PCCA: variants seen among roughly 807,000 people sequenced by gnomAD.
PCCA encodes propionyl-CoA carboxylase subunit alpha.
A neutral mutation model predicts 101.3 loss-of-function variants in PCCA; 74 were observed. The ratio of observed to expected loss-of-function variants is 0.73; its 90% CI spans 0.61 to 0.89. The LOEUF (loss-of-function observed/expected upper bound fraction) is 0.89. Among genes scored for constraint, PCCA ranks in the 40% least tolerant of loss-of-function variants. PCCA has a pLI of 0.00. For missense variants in PCCA, 891 were observed against 907.0 expected, an observed-to-expected ratio of 0.98 and a Z score of 0.23; for synonymous variants, 294 against 313.6, an observed-to-expected ratio of 0.94 and a Z score of 0.66.
At position 100,458,449 on chromosome 13, in the gene PCCA, A is replaced by G. The variant is rs1362325152; in HGVS notation, c.1899+9144A>G. Among the ~76,000 whole-genome samples, 5 of 38,430 alleles carry G rather than the reference A, an allele frequency of 1.3e-4. No homozygotes were observed. The South Asian group carries it at 2.9e-3, about 22-fold the overall frequency. The allele number at this position is 38,430 out of a possible 152,430, so 25.2% of individuals were successfully genotyped here. On this transcript the variant is annotated intron_variant, in intron 21 of 23. Transcript: ENST00000376285. The stretch of plus-strand genomic sequence containing the variant: ...CACACACACACACACATACACACAC[A>G]CACACACACACACACACACACACAC...
intron 12 of PCCA, among the ~76,000 whole-genome samples, chr13:100,285,184 C>T (rs555782768): frequency 3.5e-4 from 53 of 152,214 alleles, no homozygotes; most frequent in African/African-American, 8.7e-4. Context: ...TGGCTTTGGC[C>T]GACTATGGAT....
chr13:100,216,677 A>G (rs142964560), intron 7 of PCCA, among the ~76,000 whole-genome samples: 43 of 152,374 alleles, frequency 2.8e-4, no homozygotes, highest in African/African-American at 1.0e-3. Context: ...GCACCAAAAG[A>G]AACCAAAAAC....
At chr13:100,365,481 C>T (rs1028171354) in intron 18 of PCCA, among the ~76,000 whole-genome samples, 1 of 152,100 alleles carries the variant, frequency 6.6e-6, no homozygotes, top group Admixed American at 6.5e-5. Context: ...AGACTTGTTA[C>T]GTGATAGAAG....
chr13:100,184,228 C>G (rs1017552938), intron 6 of PCCA, among the ~76,000 whole-genome samples: 1 of 152,126 alleles, frequency 6.6e-6, no homozygotes, highest in African/African-American at 2.4e-5. Context: ...TTGTTTGTTT[C>G]TCTTTCTCCT....
intron 20 of PCCA, among the ~76,000 whole-genome samples, chr13:100,432,782 G>A (rs2079646913): frequency 6.6e-6 from 1 of 152,166 alleles, no homozygotes; most frequent in South Asian, 2.1e-4. Context: ...AGAGAAAAAG[G>A]GGGTTGAGTT....
At chr13:100,117,928 A>T (rs749463531) in intron 4 of PCCA, among the ~76,000 whole-genome samples, 7 of 151,954 alleles carry the variant, frequency 4.6e-5, no homozygotes, top group Non-Finnish European at 7.4e-5. Flanking sequence ...CATCCTGGCT[A>T]ACACGGTGAA....
intron 12 of PCCA, among the ~76,000 whole-genome samples, chr13:100,277,289 T>G (rs956888069): frequency 6.6e-6 from 1 of 152,220 alleles, no homozygotes; most frequent in African/African-American, 2.4e-5. Context: ...GTTATGCTTT[T>G]GATTTGTTGA....
chr13:100,176,178 G>C (rs769374665), intron 6 of PCCA, among the ~76,000 whole-genome samples: 36 of 152,176 alleles, frequency 2.4e-4, no homozygotes, highest in Non-Finnish European at 4.7e-4. Context: ...GCATAGATCA[G>C]TAAAGAATAA....
At chr13:100,527,364 A>C (rs1175653294) in intron 22 of PCCA, 1 of 505,648 alleles carries the variant, frequency 2.0e-6, no homozygotes, top group Non-Finnish European at 4.0e-6. Flanking sequence ...AAACATTCCA[A>C]TTTCCGAACA....
chr13:100,387,153 G>A (rs750320575), intron 19 of PCCA, among the ~76,000 whole-genome samples: 6 of 152,136 alleles, frequency 3.9e-5, no homozygotes, highest in Admixed American at 6.5e-5. Context: ...CTTCCAACTC[G>A]GAGACAGTTG....
intron 4 of PCCA, among the ~76,000 whole-genome samples, chr13:100,137,489 G>C (rs935164871): frequency 3.3e-5 from 5 of 152,066 alleles, no homozygotes; most frequent in African/African-American, 1.2e-4. Flanking sequence ...TCTCAGTTCT[G>C]CCAGTTTTTG....
intron 21 of PCCA, among the ~76,000 whole-genome samples, chr13:100,455,995 C>T (rs888183499): frequency 4.6e-5 from 7 of 152,258 alleles, no homozygotes; most frequent in East Asian, 1.9e-4. Context: ...CCACCATGCC[C>T]GGCCATATGC....
intron 21 of PCCA, among the ~76,000 whole-genome samples, chr13:100,483,922 G>A (rs1257756703): frequency 6.6e-6 from 1 of 152,186 alleles, no homozygotes; most frequent in African/African-American, 2.4e-5. Context: ...ACCAGAAGGA[G>A]TGCTTTGTGC....
intron 20 of PCCA, among the ~76,000 whole-genome samples, chr13:100,428,969 G>A (rs908285277): frequency 6.6e-6 from 1 of 152,106 alleles, no homozygotes; most frequent in African/African-American, 2.4e-5. Context: ...TAGCTTACGA[G>A]GTTTTTTTGG....
At chr13:100,140,503 A>G (rs1366139439) in intron 4 of PCCA, among the ~76,000 whole-genome samples, 1 of 152,202 alleles carries the variant, frequency 6.6e-6, no homozygotes, top group African/African-American at 2.4e-5. Context: ...TGAGATGAAT[A>G]GGGGTTCTCC....
chr13:100,405,589 A>G (rs2077622051), intron 19 of PCCA, among the ~76,000 whole-genome samples: 1 of 152,196 alleles, frequency 6.6e-6, no homozygotes, highest in Non-Finnish European at 1.5e-5. Context: ...AATTATTTCT[A>G]CATAGGCCTT....
At chr13:100,402,723 G>T (rs1189429828) in intron 19 of PCCA, among the ~76,000 whole-genome samples, 1 of 152,154 alleles carries the variant, frequency 6.6e-6, no homozygotes, top group Admixed American at 6.5e-5. Flanking sequence ...GGTGGTATGG[G>T]TGGGTGGTAT....
At chr13:100,329,364 C>T (rs1595375947) in intron 16 of PCCA, among the ~76,000 whole-genome samples, 2 of 151,994 alleles carry the variant, frequency 1.3e-5, no homozygotes, top group Non-Finnish European at 2.9e-5. Context: ...ATGAACGTAC[C>T]GTGCAGTGAT....
chr13:100,163,885 A>G (rs1486042886), intron 6 of PCCA, among the ~76,000 whole-genome samples: 1 of 151,746 alleles, frequency 6.6e-6, no homozygotes, highest in African/African-American at 2.4e-5. Flanking sequence ...GGATCTATCT[A>G]TTTTTCAGTG....
Sources: gnomAD v4.1 joint callset for allele counts (sites outside exome capture counted in the v4.1 genomes callset) on GRCh38, gnomAD v4.1.1 for gene constraint, MANE v1.5 for transcripts, NCBI Gene and HGNC (gene_info 2026-07-23, HGNC 2026-07-21) for gene names.